Variants in VDAC2 observed in about 807,000 individuals in gnomAD.
The protein encoded by VDAC2 is non-selective voltage-gated ion channel VDAC2.
VDAC2 carries 6 observed loss-of-function variants against 36.6 expected under a neutral mutation model. The ratio of observed to expected loss-of-function variants is 0.16; its 90% confidence interval spans 0.09 to 0.32. The LOEUF is 0.32. Among genes scored for constraint, VDAC2 ranks in the 10% least tolerant of loss-of-function variants. The pLI is 1.00. For missense variants in VDAC2, 247 were observed against 346.0 expected (o/e 0.71, Z 2.27); for synonymous variants, 109 against 123.8 (o/e 0.88, Z 0.79).
At chr10:75,227,577 A>ATTT (rs35378957) in intron 8 of VDAC2, among the ~76,000 whole-genome samples, 1,316 of 99,896 alleles carry the variant, frequency 0.013, 59 homozygotes, top group Admixed American at 0.078. Flanking sequence ...AATAATAGGA[A>ATTT]TTTTTTTTTT....
At chr10:75,227,085 A>G (rs1051851683) in intron 8 of VDAC2, among the ~76,000 whole-genome samples, 5 of 152,214 alleles carry the variant, frequency 3.3e-5, no homozygotes, top group African/African-American at 1.2e-4. Flanking sequence ...CAGGGATGGA[A>G]GCTCCTGTGC....
intron 8 of VDAC2, among the ~76,000 whole-genome samples, chr10:75,223,969 A>G (rs1306478770): frequency 1.3e-5 from 2 of 152,196 alleles, no homozygotes; most frequent in Non-Finnish European, 2.9e-5. Flanking sequence ...ACATCTCTTC[A>G]TCTGTATCCT....
At chr10:75,228,914 A>C (rs1207415226) in intron 8 of VDAC2, among the ~76,000 whole-genome samples, 2 of 152,192 alleles carry the variant, frequency 1.3e-5, no homozygotes, top group African/African-American at 4.8e-5. Context: ...TCTACTCTTT[A>C]CTATGTCTTA....
At chr10:75,229,737 G>A (rs780116539) in intron 9 of VDAC2, 36 bp downstream of exon 9, 3 of 1,520,876 alleles carry the variant, frequency 2.0e-6, no homozygotes, top group Non-Finnish European at 2.7e-6. Context: ...TGTTTTGATA[G>A]TATTAAAAAA....
At position 75,231,207 on chromosome 10, in the gene VDAC2, A is replaced by G. The variant is rs7304; in HGVS notation, c.*218A>G. ...GCTGCAGTCCTGCAGTCACCTATAC[A>G]TTATTTAAATGTATTTAACTGTTAA... On this transcript the variant is annotated 3_prime_UTR_variant, in exon 10 of 10. Coordinates refer to ENST00000332211, the MANE Select transcript of VDAC2 (RefSeq NM_001391963.1). 0.039 allele frequency: 17,933 copies of G among 454,128 alleles called. 585 individuals carry two copies. The highest frequency in any genetic ancestry group is 0.12 in the African/African-American group (5,830 of 49,658). 28.1% of individuals were successfully genotyped at this position (454,128 alleles called of 1,614,324 possible). A position where few individuals can be genotyped will look rare whatever the true frequency, so the allele number is the denominator to read the frequency against.
In VDAC2 at chr10:75,220,916, G is replaced by A. The variant is rs532500582; in HGVS notation, c.530G>A (p.Arg177Lys). The A allele has an allele frequency of 1.7e-5, 28 of 1,613,798 alleles. No homozygotes were observed. The Admixed American group carries it at 4.5e-4, about 26-fold the overall frequency. ...GACAGTGCCAAATCAAAGCTGACAA[G>A]GAATAACTTTGCAGTGGGCTACAGG... ...TFDSAKSKLT[R>K]NNFAVGYRTG... The change falls in exon 7 of 10, where the codon AGG becomes AAG. Residue 177 changes from arginine to lysine, a missense_variant. By Grantham distance (26) the Arg-to-Lys change is conservative. This residue lies in a region of VDAC2 where 159 missense variants were observed against 234.0 expected (regional missense o/e 0.68). Coordinates refer to ENST00000332211, the MANE Select transcript of VDAC2 (RefSeq NM_001391963.1).
intron 3 of VDAC2, 32 bp from the exon 4 acceptor site, chr10:75,213,989 A>G (rs757094321): frequency 6.2e-7 from 1 of 1,610,838 alleles, no homozygotes; most frequent in Non-Finnish European, 8.5e-7. Context: ...CAAAGGAATC[A>G]TTTTGTTTCT....
intron 4 of VDAC2, 76 bp downstream of exon 4, chr10:75,214,146 T>G (rs41280436): frequency 2.3e-5 from 33 of 1,460,600 alleles, no homozygotes; most frequent in Non-Finnish European, 3.0e-5. Context: ...AACTGAAAGA[T>G]GTCTACCTGT....
intron 6 of VDAC2, among the ~76,000 whole-genome samples, chr10:75,219,642 G>A (rs910207340): frequency 2.0e-5 from 3 of 151,896 alleles, no homozygotes; most frequent in Non-Finnish European, 2.9e-5. Context: ...GTGCCACCAC[G>A]CCCAGCTAAT....
chr10:75,217,900 C>G, intron 4 of VDAC2: 1 of 1,285,728 alleles, frequency 7.8e-7, no homozygotes, highest in Non-Finnish European at 1.0e-6. Flanking sequence ...ATCACAATTT[C>G]TGGCTGTAGT....
At chr10:75,220,412 A>G (rs1409242512) in intron 6 of VDAC2, among the ~76,000 whole-genome samples, 2 of 152,324 alleles carry the variant, frequency 1.3e-5, no homozygotes, top group East Asian at 3.9e-4. Context: ...CCTGGCCCAT[A>G]TCTGCTTTTA....
chr10:75,215,685 GA>G (rs1380597987), intron 4 of VDAC2, among the ~76,000 whole-genome samples: 3 of 149,862 alleles, frequency 2.0e-5, no homozygotes, highest in Non-Finnish European at 4.4e-5. Context: ...GCATGTAACT[GA>G]TATTTATTTA....
chr10:75,211,536 A>G lies in VDAC2; in HGVS notation c.31+347A>G, dbSNP rs1330205833. On this transcript the variant is annotated intron_variant, in intron 2 of 9. Coordinates refer to ENST00000332211, the MANE Select transcript of VDAC2 (RefSeq NM_001391963.1). ...TAGCAGTCCCTCTTGTGAGAGCGCA[A>G]GGTCATTACTTGTGCTCCTAAGGGC... The G allele has an allele frequency of 5.8e-6, 9 of 1,548,998 alleles. No homozygotes were observed. In the Admixed American group the frequency reaches 7.9e-5, roughly 14 times the overall value.
rs1348913418 is a variant in VDAC2, at chr10:75,230,851, C to G, written c.794-47C>G. The stretch of plus-strand genomic sequence containing the variant: ...AAGAAGGCCCAGACTGAGTGACGTG[C>G]CAGGTACATCACGGTTTTTTGTTTT... On this transcript the variant is annotated intron_variant, in intron 9 of 9. Coordinates refer to ENST00000332211, the MANE Select transcript of VDAC2 (RefSeq NM_001391963.1). 2.0e-6 allele frequency: 3 copies of G among 1,529,174 alleles called. No homozygotes were observed. The South Asian group carries it at 3.5e-5, about 18-fold the overall frequency. The allele number at this position is 1,529,174 out of a possible 1,614,324, so 94.7% of individuals were successfully genotyped here.
intron 7 of VDAC2, 161 bp downstream of exon 7, chr10:75,221,131 TAGA>T: frequency 1.5e-6 from 1 of 671,768 alleles, no homozygotes; most frequent in Non-Finnish European, 2.5e-6. Flanking sequence ...AAGTTTATAG[TAGA>T]AGACTGTTAG....
chr10:75,213,362 G>A (rs1279196185), intron 3 of VDAC2, among the ~76,000 whole-genome samples: 4 of 152,102 alleles, frequency 2.6e-5, no homozygotes, highest in African/African-American at 9.7e-5. Flanking sequence ...TTTCAGGCGT[G>A]GGCCACCGCA....
chr10:75,217,585 C>G (rs1157444262), intron 4 of VDAC2, among the ~76,000 whole-genome samples: 1 of 152,108 alleles, frequency 6.6e-6, no homozygotes, highest in East Asian at 1.9e-4. Context: ...ACCATGTTGG[C>G]TAGGCTGGTC....
At chr10:75,216,070 G>GT (rs1229907362) in intron 4 of VDAC2, among the ~76,000 whole-genome samples, 1 of 152,176 alleles carries the variant, frequency 6.6e-6, no homozygotes, top group African/African-American at 2.4e-5. Flanking sequence ...CTGTCGCTTG[G>GT]TTTTTTTGGT....
chr10:75,221,486 C>G (rs960169647), intron 7 of VDAC2, among the ~76,000 whole-genome samples: 1 of 152,146 alleles, frequency 6.6e-6, no homozygotes, highest in Non-Finnish European at 1.5e-5. Context: ...GCGTGTGCCA[C>G]CATGCCTGGC....
Sources: gnomAD v4.1 joint callset for allele counts (sites outside exome capture counted in the v4.1 genomes callset) on GRCh38, gnomAD v4.1.1 for gene constraint, gnomAD v4.1.1 regional missense constraint, MANE v1.5 for transcripts, NCBI Gene and HGNC (gene_info 2026-07-23, HGNC 2026-07-21) for gene names.